HCRTR2: variants seen among roughly 807,000 people sequenced by gnomAD.
The protein encoded by HCRTR2 is orexin receptor type 2.
Under a neutral mutation model 49.0 loss-of-function variants are expected in HCRTR2, and 22 were observed. The observed-to-expected ratio is 0.45, with a 90% confidence interval of 0.32 to 0.64. The LOEUF (loss-of-function observed/expected upper bound fraction) is 0.64. HCRTR2 is among the 30% of genes least tolerant of loss of function. The pLI is 0.04. For missense variants in HCRTR2, 491 were observed against 559.4 expected (o/e 0.88, Z 1.23); for synonymous variants, 236 against 205.3 (o/e 1.15, Z -1.28).
At chr6:55,252,600 A>G (rs967729727) in intron 2 of HCRTR2, among the ~76,000 whole-genome samples, 1 of 152,096 alleles carries the variant, frequency 6.6e-6, no homozygotes, top group African/African-American at 2.4e-5. Context: ...GGTTGTAGAG[A>G]ATAAGGTGAT....
rs200158940 is a variant in HCRTR2, at chr6:55,267,404, GT to G, written c.762+3599del. ...AACTACTTAAATTCTCTCTCTCTCT[GT>G]TTTTTTTTTTTTTTTTGGCAATTCG... On this transcript the variant is annotated intron_variant, in intron 4 of 6. Transcript: ENST00000370862. Among the ~76,000 whole-genome samples the G allele has an allele frequency of 8.5e-3, 1,061 of 124,514 alleles. 7 individuals are homozygous for G. Among genetic ancestry groups the G allele is most frequent in the African/African-American group, 0.026 (876 of 33,524 alleles). 81.7% of individuals were successfully genotyped at this position (124,514 alleles called of 152,430 possible). A position where few individuals can be genotyped will look rare whatever the true frequency, so the allele number is the denominator to read the frequency against.
At chr6:55,278,334 C>T (rs1025548674) in intron 5 of HCRTR2, among the ~76,000 whole-genome samples, 5 of 152,216 alleles carry the variant, frequency 3.3e-5, no homozygotes, top group Non-Finnish European at 5.9e-5. Flanking sequence ...TCCACATAGA[C>T]TGGTCCCAAG....
intron 1 of HCRTR2, among the ~76,000 whole-genome samples, chr6:55,109,634 G>A (rs552077687): frequency 3.8e-4 from 58 of 151,642 alleles, no homozygotes; most frequent in South Asian, 2.1e-4. Flanking sequence ...AGAGCCCAAA[G>A]ACAAGGATTT....
intron 1 of HCRTR2, among the ~76,000 whole-genome samples, chr6:55,135,993 A>G (rs1764428679): frequency 6.6e-6 from 1 of 152,218 alleles, no homozygotes. Flanking sequence ...CATTAATTGC[A>G]TGCCTGCTTC....
chr6:55,251,802 G>A (rs1316027787), intron 2 of HCRTR2, among the ~76,000 whole-genome samples: 4 of 151,978 alleles, frequency 2.6e-5, no homozygotes, highest in Non-Finnish European at 5.9e-5. Context: ...TATCCTGTGC[G>A]AAGGGTGCCC....
At chr6:55,124,495 T>C (rs1414323510) in intron 1 of HCRTR2, among the ~76,000 whole-genome samples, 1 of 152,160 alleles carries the variant, frequency 6.6e-6, no homozygotes, top group African/African-American at 2.4e-5. Context: ...GCAATTTCCG[T>C]TCTTTTGCAT....
intron 1 of HCRTR2, among the ~76,000 whole-genome samples, chr6:55,156,043 A>G (rs966604481): frequency 1.3e-5 from 2 of 151,974 alleles, no homozygotes; most frequent in African/African-American, 4.8e-5. Context: ...ATATGGTGTT[A>G]TGTGGATGAA....
chr6:55,227,236 A>G (rs141404831), intron 1 of HCRTR2, among the ~76,000 whole-genome samples: 59 of 152,276 alleles, frequency 3.9e-4, no homozygotes, highest in Admixed American at 2.0e-3. Flanking sequence ...ATTGACAAAT[A>G]TGTATTGATT....
At chr6:55,179,550 G>T (rs1581811275) in intron 1 of HCRTR2, among the ~76,000 whole-genome samples, 1 of 152,066 alleles carries the variant, frequency 6.6e-6, no homozygotes, top group Non-Finnish European at 1.5e-5. Context: ...ATAGATAACA[G>T]CAACATTTAT....
downstream of HCRTR2, among the ~76,000 whole-genome samples, chr6:55,282,786 G>C (rs978126813): frequency 5.9e-5 from 9 of 151,554 alleles, no homozygotes; most frequent in Non-Finnish European, 1.2e-4. Context: ...CATTCAGATT[G>C]GTTCCTAAAA....
upstream of HCRTR2, among the ~76,000 whole-genome samples, chr6:55,171,094 C>A (rs1764943493): frequency 6.6e-6 from 1 of 151,996 alleles, no homozygotes. Flanking sequence ...TGTGTATATA[C>A]CCAGTAATGG....
chr6:55,175,850 G>A (rs1765030771), intron 1 of HCRTR2, among the ~76,000 whole-genome samples: 1 of 152,144 alleles, frequency 6.6e-6, no homozygotes, highest in Non-Finnish European at 1.5e-5. Flanking sequence ...AGTGTACCTT[G>A]ATGAATGAAG....
At chr6:55,283,166 T>G (rs80205887), downstream of HCRTR2, among the ~76,000 whole-genome samples, 2,704 of 152,300 alleles carry the variant, frequency 0.018, 67 homozygotes, top group East Asian at 0.079. Flanking sequence ...CACATCATTA[T>G]ATTCTTTTAA....
At chr6:55,172,501 T>C (rs1295216255), upstream of HCRTR2, among the ~76,000 whole-genome samples, 12 of 152,254 alleles carry the variant, frequency 7.9e-5, no homozygotes, top group Middle Eastern at 3.4e-3. Flanking sequence ...AATAATAAAA[T>C]GCCCATTGAT....
At chr6:55,148,199 T>A (rs899997275) in intron 1 of HCRTR2, among the ~76,000 whole-genome samples, 17 of 152,036 alleles carry the variant, frequency 1.1e-4, no homozygotes, top group East Asian at 7.7e-4. Context: ...ATTTCAAATG[T>A]TAAAATACTC....
At chr6:55,245,479 A>G (rs1467614369) in intron 1 of HCRTR2, among the ~76,000 whole-genome samples, 5 of 117,942 alleles carry the variant, frequency 4.2e-5, no homozygotes, top group South Asian at 2.5e-4. Flanking sequence ...TTATATATAT[A>G]TATATATATA....
intron 1 of HCRTR2, among the ~76,000 whole-genome samples, chr6:55,127,626 T>C (rs1764299676): frequency 6.6e-6 from 1 of 152,180 alleles, no homozygotes; most frequent in Non-Finnish European, 1.5e-5. Context: ...GATTCCTTCC[T>C]TAATTGTCTT....
At chr6:55,277,270 C>T in intron 4 of HCRTR2, 110 bp from the exon 5 acceptor site, 2 of 872,772 alleles carry the variant, frequency 2.3e-6, no homozygotes, top group Middle Eastern at 5.6e-4. Flanking sequence ...TCAAACCTCC[C>T]ACACCTCAGG....
chr6:55,179,385 A>C (rs1054489561), intron 1 of HCRTR2, among the ~76,000 whole-genome samples: 5 of 152,200 alleles, frequency 3.3e-5, no homozygotes, highest in Admixed American at 6.5e-5. Flanking sequence ...CCTATTGTGC[A>C]TTTTAGTTTT....
Sources: allele counts gnomAD v4.1 joint callset (sites outside exome capture counted in the v4.1 genomes callset), GRCh38; gene constraint gnomAD v4.1.1; transcripts MANE v1.5; gene names NCBI Gene and HGNC (gene_info 2026-07-23, HGNC 2026-07-21).